PAK1: variants seen among roughly 807,000 people sequenced by gnomAD.
The protein encoded by PAK1 is p21 (RAC1) activated kinase 1.
A neutral mutation model predicts 67.4 loss-of-function variants in PAK1; 29 were observed. The observed-to-expected ratio is 0.43, with a 90% CI of 0.32 to 0.59. The LOEUF (loss-of-function observed/expected upper bound fraction) is 0.59, where lower values mean the gene tolerates loss of function less well. Ranked by LOEUF, PAK1 falls within the 20% of genes least tolerant of loss-of-function variation. The pLI, the probability that PAK1 is intolerant of heterozygous loss-of-function variation, is 0.07. For missense variants in PAK1, 337 were observed against 670.7 expected, an observed-to-expected ratio of 0.50 and a Z score of 5.50; for synonymous variants, 223 against 237.4, an observed-to-expected ratio of 0.94 and a Z score of 0.56.
At chr11:77,342,170 T>C (rs1488001802) in intron 10 of PAK1, among the ~76,000 whole-genome samples, 2 of 152,208 alleles carry the variant, frequency 1.3e-5, no homozygotes, top group Non-Finnish European at 2.9e-5. Flanking sequence ...GACCCTCATT[T>C]GCAACACCTT....
chr11:77,429,612 T>A (rs1005537912), intron 1 of PAK1, among the ~76,000 whole-genome samples: 1 of 152,212 alleles, frequency 6.6e-6, no homozygotes, highest in Non-Finnish European at 1.5e-5. Context: ...TGACATTCTA[T>A]AAAACACCTG....
intron 5 of PAK1, among the ~76,000 whole-genome samples, chr11:77,360,574 G>A (rs570373715): frequency 4.6e-5 from 7 of 152,320 alleles, no homozygotes; most frequent in African/African-American, 1.7e-4. Flanking sequence ...TAGCCCTGGA[G>A]CTCCCCTGAT....
intron 1 of PAK1, among the ~76,000 whole-genome samples, chr11:77,456,444 T>C (rs1022455973): frequency 1.3e-5 from 2 of 152,204 alleles, no homozygotes; most frequent in Non-Finnish European, 1.5e-5. Flanking sequence ...GTATCTACTA[T>C]GTGCTAAAAA....
At chr11:77,364,758 A>T (rs1229738797) in intron 5 of PAK1, among the ~76,000 whole-genome samples, 1 of 152,234 alleles carries the variant, frequency 6.6e-6, no homozygotes, top group African/African-American at 2.4e-5. Flanking sequence ...ATTTCAACTC[A>T]GATATAAATA....
In PAK1 at chr11:77,323,365, A is replaced by G; in HGVS notation, c.1552-5T>C. 1 of 1,576,936 alleles carries G rather than the reference A, an allele frequency of 6.3e-7. No homozygotes were observed. Among genetic ancestry groups the G allele is most frequent in the Non-Finnish European group, 8.7e-7 (1 of 1,146,174 alleles). ...GGCAATCTTCAGGAATTGATGCTAG[A>G]AAGGAGAAAAATAGCAAAAGACACA... On this transcript the variant is annotated splice_region_variant and splice_polypyrimidine_tract_variant and intron_variant, in intron 14 of 14. Transcript: ENST00000356341.
chr11:77,346,538 C>T (rs565984721), intron 9 of PAK1, among the ~76,000 whole-genome samples: 1 of 152,242 alleles, frequency 6.6e-6, no homozygotes, highest in Admixed American at 6.5e-5. Context: ...CCAAGTGAGA[C>T]AATGGCCAAT....
At chr11:77,369,473 A>C (rs1351688578) in intron 5 of PAK1, among the ~76,000 whole-genome samples, 1 of 104,780 alleles carries the variant, frequency 9.5e-6, no homozygotes, top group African/African-American at 3.7e-5. Flanking sequence ...TTTGAGATGG[A>C]GTCTCGCTTC....
chr11:77,379,393 A>G lies in PAK1; in HGVS notation c.292-5T>C, dbSNP rs1445326499. On this transcript the variant is annotated splice_polypyrimidine_tract_variant and splice_region_variant and intron_variant, in intron 3 of 14. Coordinates refer to ENST00000356341, the MANE Select transcript of PAK1 (RefSeq NM_002576.5). ...GGCCCACTGCTCTGGCATTCCCTGT[A>G]AGAGAGACATGCAAGACTAACAGGA... The G allele has an allele frequency of 3.7e-6, 6 of 1,611,148 alleles. No individual in the cohort carries two copies. The African/African-American group carries it at 6.7e-5, about 18-fold the overall frequency.
chr11:77,507,261 C>T, the PAK1 span, among the ~76,000 whole-genome samples: 3 of 151,980 alleles, frequency 2.0e-5, no homozygotes, highest in African/African-American at 7.3e-5. Context: ...TGGGGAGCAA[C>T]CAGGGGCCAG....
At chr11:77,330,586 A>G (rs1941250460) in intron 14 of PAK1, among the ~76,000 whole-genome samples, 1 of 152,248 alleles carries the variant, frequency 6.6e-6, no homozygotes, top group African/African-American at 2.4e-5. Flanking sequence ...AGCCATATGT[A>G]GAAAGCTGAA....
intron 2 of PAK1, among the ~76,000 whole-genome samples, chr11:77,391,150 G>A (rs909387842): frequency 6.6e-6 from 1 of 152,098 alleles, no homozygotes; most frequent in Admixed American, 6.5e-5. Flanking sequence ...GATATTTTCC[G>A]CAATCTACCA....
intron 1 of PAK1, among the ~76,000 whole-genome samples, chr11:77,462,989 TGGGGGTGGGGTGGGG>T (rs1432094316): frequency 4.0e-5 from 1 of 24,822 alleles, no homozygotes; most frequent in Admixed American, 5.8e-4. Flanking sequence ...AAAAGGTGGG[TGGGGGTGGGGTGGGG>T]GGGCTTTTAG....
At chr11:77,365,615 T>C (rs921830101) in intron 5 of PAK1, among the ~76,000 whole-genome samples, 2 of 151,852 alleles carry the variant, frequency 1.3e-5, no homozygotes, top group Non-Finnish European at 2.9e-5. Context: ...GGCGGATCAC[T>C]TGAGGTCAGG....
At chr11:77,330,537 G>C (rs188546015) in intron 14 of PAK1, among the ~76,000 whole-genome samples, 1 of 152,180 alleles carries the variant, frequency 6.6e-6, no homozygotes, top group Non-Finnish European at 1.5e-5. Context: ...AATGGGGAAA[G>C]GATTCCCTAT....
chr11:77,351,322 A>AG (rs531692022), intron 8 of PAK1, among the ~76,000 whole-genome samples: 2 of 151,808 alleles, frequency 1.3e-5, no homozygotes, highest in South Asian at 2.1e-4. Flanking sequence ...AAAAAAAAAA[A>AG]GTCACAAAAG....
At chr11:77,324,611 C>T (rs1939256191) in intron 14 of PAK1, among the ~76,000 whole-genome samples, 2 of 152,072 alleles carry the variant, frequency 1.3e-5, no homozygotes, top group Admixed American at 6.6e-5. Flanking sequence ...GGAGCTATCA[C>T]ATTTCCTTTT....
intron 2 of PAK1, among the ~76,000 whole-genome samples, chr11:77,392,107 G>C (rs547869735): frequency 6.6e-6 from 1 of 152,112 alleles, no homozygotes; most frequent in Non-Finnish European, 1.5e-5. Flanking sequence ...TCTGGCAAGA[G>C]CATAATTATT....
intron 1 of PAK1, among the ~76,000 whole-genome samples, chr11:77,443,252 T>C (rs1476877091): frequency 6.6e-6 from 1 of 150,390 alleles, no homozygotes; most frequent in Non-Finnish European, 1.5e-5. Context: ...GAGGCAGAGG[T>C]TGCAGTGAGC....
chr11:77,502,170 T>G, the PAK1 span, among the ~76,000 whole-genome samples: 1 of 152,346 alleles, frequency 6.6e-6, no homozygotes, highest in African/African-American at 2.4e-5. Context: ...TTTGTGTGCG[T>G]GTATGTGCAT....
Sources: allele counts gnomAD v4.1 joint callset (sites outside exome capture counted in the v4.1 genomes callset), GRCh38; gene constraint gnomAD v4.1.1; transcripts MANE v1.5; gene names NCBI Gene and HGNC (gene_info 2026-07-23, HGNC 2026-07-21).